The following CTIF variants were observed in gnomAD, a reference collection of about 807,000 sequenced individuals.
CTIF encodes the protein CBP80/20-dependent translation initiation factor.
A neutral mutation model predicts 66.0 loss-of-function variants in CTIF; 21 were observed. The observed-to-expected ratio is 0.32, with a 90% CI of 0.23 to 0.46. CTIF has a LOEUF of 0.46. Ranked by LOEUF, CTIF falls within the 20% of genes least tolerant of loss-of-function variation. CTIF has a pLI of 1.00. For synonymous variants in CTIF, 345 were observed against 326.4 expected, an observed-to-expected ratio of 1.06 and a Z score of -0.62; for missense variants, 739 against 812.7, an observed-to-expected ratio of 0.91 and a Z score of 1.10.
In CTIF at chr18:48,570,973, G is replaced by A. The variant is rs61397245; in HGVS notation, c.-29+31661G>A. Among the ~76,000 whole-genome samples the A allele has an allele frequency of 1.2e-3, 190 of 152,300 alleles. 1 individual carries two copies. Among genetic ancestry groups the A allele is most frequent in the African/African-American group, 4.4e-3 (183 of 41,550 alleles). On this transcript the variant is annotated intron_variant, in intron 1 of 11. Transcript: ENST00000256413. ...AGAGGTGCTGGCTGCACAACAGTGCGAATGTACTAAATGCCAGTGGATTGT... is the reference window on the plus strand; with the variant it reads ...AGAGGTGCTGGCTGCACAACAGTGCAAATGTACTAAATGCCAGTGGATTGT...
At chr18:48,621,833 G>A (rs1414132234) in intron 2 of CTIF, among the ~76,000 whole-genome samples, 2 of 152,156 alleles carry the variant, frequency 1.3e-5, no homozygotes, top group Admixed American at 6.5e-5. Flanking sequence ...GTATTTGGGG[G>A]AAATAAGGTC....
At chr18:48,712,265 G>A (rs944378388) in intron 7 of CTIF, among the ~76,000 whole-genome samples, 6 of 152,282 alleles carry the variant, frequency 3.9e-5, no homozygotes, top group African/African-American at 1.4e-4. Context: ...GAGATCTCCT[G>A]TGGAGCTCAG....
chr18:48,715,069 C>T lies in CTIF; in HGVS notation c.584+3374C>T, dbSNP rs553460179. On this transcript the variant is annotated intron_variant, in intron 7 of 11. Coordinates refer to ENST00000256413, the MANE Select transcript of CTIF (RefSeq NM_014772.3). ...CCTTGCCCTGCATTCCCTCCAGGGG[C>T]GGGCCGCTAGGATCAATTGTTCCTT... is the stretch of plus-strand genomic sequence containing the variant. Among the ~76,000 whole-genome samples, 5 of 152,258 alleles carry T rather than the reference C, an allele frequency of 3.3e-5. No individual in the cohort carries two copies. The South Asian group carries it at 8.3e-4, about 25-fold the overall frequency.
intron 3 of CTIF, among the ~76,000 whole-genome samples, chr18:48,649,752 C>G (rs2091120872): frequency 6.6e-6 from 1 of 152,172 alleles, no homozygotes; most frequent in African/African-American, 2.4e-5. Context: ...ACAAAGCTTC[C>G]AGAGGAATGA....
intron 3 of CTIF, among the ~76,000 whole-genome samples, chr18:48,646,954 T>C (rs896002461): frequency 6.7e-6 from 1 of 148,972 alleles, no homozygotes; most frequent in African/African-American, 2.5e-5. Flanking sequence ...TATGATTTGA[T>C]TGAGCAATTG....
intron 6 of CTIF, among the ~76,000 whole-genome samples, chr18:48,691,650 CCTT>C (rs1317230517): frequency 6.6e-6 from 1 of 151,954 alleles, no homozygotes; most frequent in Non-Finnish European, 1.5e-5. Context: ...TCTCCCCACT[CCTT>C]CTCTTGTGAG....
chr18:48,745,288 T>C (rs750338272), intron 7 of CTIF, among the ~76,000 whole-genome samples: 6 of 152,230 alleles, frequency 3.9e-5, no homozygotes, highest in Non-Finnish European at 7.3e-5. Flanking sequence ...CAGTGCACCA[T>C]GTCAGGAGGT....
chr18:48,817,407 C>T, intron 10 of CTIF, 31 bp downstream of exon 10: 1 of 1,588,040 alleles, frequency 6.3e-7, no homozygotes, highest in Non-Finnish European at 8.6e-7. Flanking sequence ...GCCCCCTGCA[C>T]AGCCAGACAG....
rs548776980 is a variant in CTIF at position 48,562,371 on chromosome 18, G to A, written c.-29+23059G>A. ...GTGGCAAAGGCAAAATTTGAATTCA[G>A]GAGTCCTGCTCTAGAGTTTGCCTTC... is the stretch of plus-strand genomic sequence containing the variant. On this transcript the variant is annotated intron_variant, in intron 1 of 11. Coordinates refer to ENST00000256413, the MANE Select transcript of CTIF (RefSeq NM_014772.3). 3.3e-5 allele frequency among the ~76,000 whole-genome samples: 5 copies of A among 152,322 alleles called. 1 individual carries two copies. The South Asian group carries it at 1.0e-3, about 32-fold the overall frequency.
chr18:48,571,180 G>T (rs1002033574), intron 1 of CTIF, among the ~76,000 whole-genome samples: 29 of 152,250 alleles, frequency 1.9e-4, no homozygotes, highest in African/African-American at 6.5e-4. Flanking sequence ...TTGTTTGTTT[G>T]TTTGTTTGTT....
intron 7 of CTIF, among the ~76,000 whole-genome samples, chr18:48,714,307 A>G (rs2092258751): frequency 6.6e-6 from 1 of 152,200 alleles, no homozygotes; most frequent in African/African-American, 2.4e-5. Context: ...GCATGGTGGC[A>G]AAGGGAGAAG....
intron 7 of CTIF, among the ~76,000 whole-genome samples, chr18:48,716,231 G>A (rs1490423229): frequency 2.0e-5 from 3 of 152,196 alleles, no homozygotes; most frequent in South Asian, 2.1e-4. Flanking sequence ...CCCTGCTCTC[G>A]AGGGCCTGAG....
chr18:48,849,648 C>T (rs1242041420), intron 10 of CTIF, among the ~76,000 whole-genome samples: 5 of 136,610 alleles, frequency 3.7e-5, no homozygotes, highest in East Asian at 4.3e-4. Flanking sequence ...TGCAGTGGCA[C>T]GATCTCAGCT....
At chr18:48,770,139 A>G (rs1166893428) in intron 9 of CTIF, among the ~76,000 whole-genome samples, 2 of 152,206 alleles carry the variant, frequency 1.3e-5, no homozygotes, top group Non-Finnish European at 2.9e-5. Context: ...GAAAATGACC[A>G]CTGATCCTCA....
chr18:48,670,916 G>A (rs1413002927), intron 6 of CTIF, among the ~76,000 whole-genome samples, 172 bp downstream of exon 6: 1 of 152,210 alleles, frequency 6.6e-6, no homozygotes, highest in Non-Finnish European at 1.5e-5. Context: ...TCTCCAGGGT[G>A]TCCCATTGTG....
intron 9 of CTIF, among the ~76,000 whole-genome samples, chr18:48,799,285 G>T (rs2067999309): frequency 6.6e-6 from 1 of 152,200 alleles, no homozygotes; most frequent in Non-Finnish European, 1.5e-5. Context: ...TTATGGGCTT[G>T]ATGGGACAAG....
intron 7 of CTIF, among the ~76,000 whole-genome samples, chr18:48,713,308 A>T (rs2092247514): frequency 6.6e-6 from 1 of 151,912 alleles, no homozygotes; most frequent in South Asian, 2.1e-4. Context: ...GAGCTTCCTG[A>T]TGAGAAGTCA....
chr18:48,711,598 C>T lies in CTIF; in HGVS notation c.508-21C>T, dbSNP rs756389704. On this transcript the variant is annotated intron_variant, in intron 6 of 11. Coordinates refer to ENST00000256413, the MANE Select transcript of CTIF (RefSeq NM_014772.3). ...CTTTCAGGAGTTACTAATGATCCCCCTTCCTCCCCCCATGACACAGGGCTA... is the reference window on the plus strand; with the variant it reads ...CTTTCAGGAGTTACTAATGATCCCCTTTCCTCCCCCCATGACACAGGGCTA... 4 of 1,607,406 alleles carry T rather than the reference C, an allele frequency of 2.5e-6. No homozygotes were observed. In the East Asian group the frequency reaches 8.9e-5, roughly 36 times the overall value.
chr18:48,664,640 C>T (rs1263667952), intron 5 of CTIF, 89 bp downstream of exon 5: 3 of 1,091,648 alleles, frequency 2.7e-6, no homozygotes, highest in African/African-American at 3.1e-5. Flanking sequence ...CTCTGCTGCA[C>T]AGGGGACTCA....
Sources: allele counts gnomAD v4.1 joint callset (sites outside exome capture counted in the v4.1 genomes callset), GRCh38; gene constraint gnomAD v4.1.1; transcripts MANE v1.5; gene names NCBI Gene and HGNC (gene_info 2026-07-23, HGNC 2026-07-21).